FNDC3A: variants seen among roughly 807,000 people sequenced by gnomAD.
FNDC3A encodes fibronectin type-III domain-containing protein 3A.
FNDC3A carries 32 observed loss-of-function variants against 148.9 expected under a neutral mutation model. The observed-to-expected ratio is 0.21, with a 90% CI of 0.16 to 0.29. FNDC3A has a LOEUF of 0.29. Ranked by LOEUF, FNDC3A falls within the 10% of genes least tolerant of loss-of-function variation. The pLI is 1.00. For synonymous variants in FNDC3A, 472 were observed against 473.6 expected, an observed-to-expected ratio of 1.00 and a Z score of 0.04; for missense variants, 1,191 against 1,452.8, an observed-to-expected ratio of 0.82 and a Z score of 2.93.
At position 48,990,945 on chromosome 13, in the gene FNDC3A, C is replaced by T. The variant is rs9596049; in HGVS notation, c.-40+14768C>T. Among the ~76,000 whole-genome samples, 716 of 152,124 alleles carry T rather than the reference C, an allele frequency of 4.7e-3. 7 individuals carry two copies. Among genetic ancestry groups the T allele is most frequent in the African/African-American group, 0.016 (662 of 41,472 alleles). Reference sequence around the variant, plus strand: ...TATTGTAAATTTTAAAGAAACCACTCAAGTAACAAAGAGTTGTAGCCTATA... The same window carrying T: ...TATTGTAAATTTTAAAGAAACCACTTAAGTAACAAAGAGTTGTAGCCTATA... On this transcript the variant is annotated intron_variant, in intron 1 of 25. Coordinates refer to ENST00000492622, the MANE Select transcript of FNDC3A (RefSeq NM_001079673.2).
chr13:49,099,325 T>G (rs988808526), intron 3 of FNDC3A, among the ~76,000 whole-genome samples: 1 of 152,140 alleles, frequency 6.6e-6, no homozygotes, highest in Non-Finnish European at 1.5e-5. Context: ...TCATTCTCTC[T>G]TCCTGACCCT....
intron 3 of FNDC3A, among the ~76,000 whole-genome samples, chr13:49,113,246 C>A (rs1880696099): frequency 6.6e-6 from 1 of 151,682 alleles, no homozygotes; most frequent in African/African-American, 2.4e-5. Context: ...TTTCTCCTCT[C>A]CTTGCTTGCT....
intron 1 of FNDC3A, among the ~76,000 whole-genome samples, chr13:48,982,693 G>T (rs1951715254): frequency 6.6e-6 from 1 of 152,132 alleles, no homozygotes; most frequent in Non-Finnish European, 1.5e-5. Context: ...GTCTTTGAGA[G>T]TCCATACTCT....
At chr13:49,045,815 T>C in intron 2 of FNDC3A, 1 of 391,192 alleles carries the variant, frequency 2.6e-6, no homozygotes, top group Non-Finnish European at 4.7e-6. Flanking sequence ...TTTTTCGTTG[T>C]CAAATAAATT....
intron 8 of FNDC3A, among the ~76,000 whole-genome samples, chr13:49,150,870 G>C (rs181054899): frequency 2.7e-5 from 4 of 150,664 alleles, no homozygotes; most frequent in East Asian, 2.0e-4. Context: ...GCTTGAACCT[G>C]GGAGACAGAG....
chr13:49,167,762 T>G (rs2138044531), intron 9 of FNDC3A, among the ~76,000 whole-genome samples: 1 of 151,408 alleles, frequency 6.6e-6, no homozygotes, highest in South Asian at 2.1e-4. Context: ...ATTATCAAAA[T>G]TTTTCCAAAA....
At chr13:49,043,906 C>G (rs1303939115) in intron 2 of FNDC3A, among the ~76,000 whole-genome samples, 1 of 152,172 alleles carries the variant, frequency 6.6e-6, no homozygotes, top group Non-Finnish European at 1.5e-5. Context: ...ACTTGATCAT[C>G]TACATCTATG....
At position 49,013,369 on chromosome 13, in the gene FNDC3A, A is replaced by G. The variant is rs73494303; in HGVS notation, c.99+7080A>G. ...TATTTTTCCTTCAAATTTTGATGTC[A>G]TAATTTACATTAATTTTATTATTAT... is the stretch of plus-strand genomic sequence containing the variant. On this transcript the variant is annotated intron_variant, in intron 2 of 25. Transcript: ENST00000492622. Among the ~76,000 whole-genome samples the G allele has an allele frequency of 7.7e-3, 1,168 of 152,158 alleles. 14 individuals carry two copies. The highest frequency in any genetic ancestry group is 0.027 in the African/African-American group (1,118 of 41,514).
chr13:49,101,265 T>C (rs1375688288), intron 3 of FNDC3A, among the ~76,000 whole-genome samples: 1 of 152,332 alleles, frequency 6.6e-6, no homozygotes, highest in East Asian at 1.9e-4. Flanking sequence ...TGATCTTTCC[T>C]TGGTCCCTCG....
At chr13:49,204,464 A>G (rs1447191503) in intron 25 of FNDC3A, among the ~76,000 whole-genome samples, 2 of 152,192 alleles carry the variant, frequency 1.3e-5, no homozygotes, top group Admixed American at 1.3e-4. Context: ...TCTATGTAAT[A>G]TCTTAACTGA....
At chr13:49,155,839 A>G (rs1351390957) in intron 8 of FNDC3A, among the ~76,000 whole-genome samples, 1 of 102,852 alleles carries the variant, frequency 9.7e-6, no homozygotes, top group African/African-American at 3.9e-5. Context: ...TTTGAGTGAG[A>G]TTCTTAATCC....
intron 24 of FNDC3A, among the ~76,000 whole-genome samples, chr13:49,202,914 C>T (rs1226160458): frequency 6.6e-6 from 1 of 152,198 alleles, no homozygotes; most frequent in East Asian, 1.9e-4. Context: ...GCTGAGGCTG[C>T]ATTGAGCTAT....
intron 1 of FNDC3A, among the ~76,000 whole-genome samples, chr13:48,978,804 A>T (rs1951647972): frequency 6.6e-6 from 1 of 152,224 alleles, no homozygotes; most frequent in Admixed American, 6.5e-5. Flanking sequence ...TTGCAAAACA[A>T]GAAATATGGC....
intron 3 of FNDC3A, among the ~76,000 whole-genome samples, chr13:49,113,037 CCA>C (rs1566257290): frequency 1.3e-5 from 2 of 151,070 alleles, no homozygotes; most frequent in African/African-American, 4.9e-5. Flanking sequence ...CTTCCCCTCC[CCA>C]CCTCTTCTGT....
chr13:49,158,064 C>T lies in FNDC3A; in HGVS notation c.978-9180C>T, dbSNP rs546010284. Among the ~76,000 whole-genome samples, 1,175 of 152,238 alleles carry T rather than the reference C, an allele frequency of 7.7e-3. 20 individuals carry two copies. Among genetic ancestry groups the T allele is most frequent in the African/African-American group, 0.027 (1,107 of 41,542 alleles). On this transcript the variant is annotated intron_variant, in intron 8 of 25. Coordinates refer to ENST00000492622, the MANE Select transcript of FNDC3A (RefSeq NM_001079673.2). The stretch of plus-strand genomic sequence containing the variant: ...TGGGCTCCACTCAGTTCGAGCTTCC[C>T]GGCTGCTTTGTTTACCTAAGCAAGC...
intron 2 of FNDC3A, among the ~76,000 whole-genome samples, chr13:49,008,351 A>G (rs994044786): frequency 6.6e-6 from 1 of 152,198 alleles, no homozygotes; most frequent in Non-Finnish European, 1.5e-5. Context: ...TCTTTGTCTT[A>G]ACACAAGAAC....
intron 2 of FNDC3A, among the ~76,000 whole-genome samples, chr13:49,014,976 G>A (rs941114260): frequency 6.6e-6 from 1 of 151,628 alleles, no homozygotes; most frequent in Non-Finnish European, 1.5e-5. Context: ...TTTGGTACCA[G>A]TACCATGCTG....
At chr13:49,144,767 A>T (rs1286181626) in intron 7 of FNDC3A, among the ~76,000 whole-genome samples, 3 of 152,234 alleles carry the variant, frequency 2.0e-5, no homozygotes. Context: ...CAAAGATAAC[A>T]ATTGGTACAT....
chr13:48,995,416 C>T (rs1454008684), intron 1 of FNDC3A, among the ~76,000 whole-genome samples: 1 of 151,328 alleles, frequency 6.6e-6, no homozygotes, highest in Non-Finnish European at 1.5e-5. Flanking sequence ...AAAAAGTGAG[C>T]ATGGGGAGAG....
Sources: gnomAD v4.1 joint callset for allele counts (sites outside exome capture counted in the v4.1 genomes callset) on GRCh38, gnomAD v4.1.1 for gene constraint, MANE v1.5 for transcripts, NCBI Gene and HGNC (gene_info 2026-07-23, HGNC 2026-07-21) for gene names.